The following GALNT6 variants were observed in gnomAD, a reference collection of about 807,000 sequenced individuals.
The protein encoded by GALNT6 is GalNAc transferase 6.
A neutral mutation model predicts 65.9 loss-of-function variants in GALNT6; 51 were observed. That is an observed-to-expected ratio of 0.77 (90% confidence interval 0.62 to 0.98). GALNT6 has a LOEUF of 0.98. GALNT6 is among the 50% of genes least tolerant of loss of function. The pLI, the probability that GALNT6 is intolerant of heterozygous loss-of-function variation, is 0.00. For missense variants in GALNT6, 708 were observed against 803.3 expected, an observed-to-expected ratio of 0.88 and a Z score of 1.43; for synonymous variants, 323 against 315.1, an observed-to-expected ratio of 1.02 and a Z score of -0.26.
At chr12:51,369,038 G>A (rs1947203879) in intron 4 of GALNT6, among the ~76,000 whole-genome samples, 1 of 152,352 alleles carries the variant, frequency 6.6e-6, no homozygotes, top group African/African-American at 2.4e-5. Flanking sequence ...TGACAGGAAG[G>A]AGGGAGGAAG....
chr12:51,383,977 G>A (rs375668788), intron 2 of GALNT6, among the ~76,000 whole-genome samples: 1 of 152,090 alleles, frequency 6.6e-6, no homozygotes, highest in Non-Finnish European at 1.5e-5. Context: ...AAAGCTTCAC[G>A]AGATCCGCCC....
intron 11 of GALNT6, 90 bp downstream of exon 11, chr12:51,355,716 C>G: frequency 1.6e-6 from 2 of 1,267,030 alleles, no homozygotes; most frequent in Non-Finnish European, 2.2e-6. Context: ...ATCTGCCCTC[C>G]TCGGCCTCTC....
chr12:51,359,086 C>T (rs561035208), intron 8 of GALNT6, 46 bp downstream of exon 8: 164 of 1,479,972 alleles, frequency 1.1e-4, no homozygotes, highest in Non-Finnish European at 1.4e-4. Context: ...GTCTGGGGGC[C>T]GTACTTCTCT....
intron 8 of GALNT6, 44 bp downstream of exon 8, chr12:51,359,088 T>C: frequency 6.7e-7 from 1 of 1,499,592 alleles, no homozygotes; most frequent in Non-Finnish European, 9.3e-7. Flanking sequence ...CTGGGGGCCG[T>C]ACTTCTCTTC....
chr12:51,361,125 A>G (rs1592318758), intron 6 of GALNT6, among the ~76,000 whole-genome samples: 1 of 152,248 alleles, frequency 6.6e-6, no homozygotes, highest in African/African-American at 2.4e-5. Context: ...CCCGTGCTAC[A>G]TGATGGACAC....
chr12:51,374,411 T>A (rs919242940), intron 4 of GALNT6, among the ~76,000 whole-genome samples: 6 of 152,162 alleles, frequency 3.9e-5, no homozygotes, highest in Non-Finnish European at 8.8e-5. Context: ...TGCTGCCAAG[T>A]ATCTGTCTTC....
intron 4 of GALNT6, among the ~76,000 whole-genome samples, chr12:51,375,409 C>T (rs1947419467): frequency 6.6e-6 from 1 of 152,190 alleles, no homozygotes; most frequent in African/African-American, 2.4e-5. Context: ...CTCCTGGCTA[C>T]ATACTCCATG....
rs751138720 is a variant in GALNT6, at chr12:51,357,352, G to C, written c.1599C>G (p.Asn533Lys). The part of the protein sequence containing the change: ...IMYSCHGLGG[N>K]QYFEYTTQRD... ...CGGAGATGGGTGGGCTGCATACCTG[G>C]TTGCCGCCAAGGCCGTGGCAGGAGT... Residue 533 changes from asparagine to lysine, a missense_variant, in exon 10 of 12, where the codon AAC (asparagine) becomes AAG (lysine). Coordinates refer to ENST00000356317, the MANE Select transcript of GALNT6 (RefSeq NM_007210.4). The C allele has an allele frequency of 6.2e-7, 1 of 1,604,758 alleles. No homozygotes were observed. The highest frequency in any genetic ancestry group is 8.5e-7 in the Non-Finnish European group (1 of 1,171,480).
chr12:51,390,209 C>T (rs1948008956), intron 2 of GALNT6, among the ~76,000 whole-genome samples: 1 of 137,782 alleles, frequency 7.3e-6, no homozygotes, highest in South Asian at 2.2e-4. Flanking sequence ...ATTGCCCAGG[C>T]TGGAATGCAA....
chr12:51,382,788 G>A lies in GALNT6; in HGVS notation c.-103-2904C>T, dbSNP rs138656043. On this transcript the variant is annotated intron_variant, in intron 2 of 11. Coordinates refer to ENST00000356317, the MANE Select transcript of GALNT6 (RefSeq NM_007210.4). ...GACCCATTCGGAGTCTGACCCAGGA[G>A]AGTTAGTAGCAGTGTGGATGGAAGA... Among the ~76,000 whole-genome samples the A allele has an allele frequency of 2.0e-4, 30 of 152,318 alleles. No individual in the cohort carries two copies. In the East Asian group the frequency reaches 5.2e-3, roughly 26 times the overall value.
chr12:51,364,429 T>C (rs753213050), intron 5 of GALNT6, 74 bp from the exon 6 acceptor site: 12 of 1,019,500 alleles, frequency 1.2e-5, no homozygotes, highest in Non-Finnish European at 1.8e-5. Flanking sequence ...CTGGAGGGAA[T>C]GCCCAGGAGG....
chr12:51,388,793 T>A (rs542507797), intron 2 of GALNT6, among the ~76,000 whole-genome samples: 41 of 152,374 alleles, frequency 2.7e-4, no homozygotes, highest in African/African-American at 8.9e-4. Context: ...CCCTGTCGCA[T>A]CTCTCTGCCT....
intron 8 of GALNT6, 102 bp downstream of exon 8, chr12:51,359,030 G>T: frequency 1.1e-6 from 1 of 886,524 alleles, no homozygotes; most frequent in Non-Finnish European, 1.8e-6. Flanking sequence ...GGAGGCGCCA[G>T]ATGGTAGAGA....
At chr12:51,381,767 G>A (rs1315856852) in intron 2 of GALNT6, among the ~76,000 whole-genome samples, 1 of 152,216 alleles carries the variant, frequency 6.6e-6, no homozygotes, top group African/African-American at 2.4e-5. Context: ...TAAAATGTTT[G>A]GCAGAGCACC....
chr12:51,380,606 C>T (rs1947633360), intron 2 of GALNT6, among the ~76,000 whole-genome samples: 1 of 152,212 alleles, frequency 6.6e-6, no homozygotes, highest in Admixed American at 6.5e-5. Context: ...GCCTGGCCAA[C>T]ATGGTGAAAC....
intron 4 of GALNT6, among the ~76,000 whole-genome samples, chr12:51,372,190 A>C (rs1028803564): frequency 1.3e-5 from 2 of 152,140 alleles, no homozygotes; most frequent in African/African-American, 4.8e-5. Flanking sequence ...TGACTAGCTT[A>C]GGTTTTTCAG....
At chr12:51,390,156 C>CTTTCTTTCT (rs1413158644) in intron 2 of GALNT6, among the ~76,000 whole-genome samples, 1 of 116,306 alleles carries the variant, frequency 8.6e-6, no homozygotes, top group Non-Finnish European at 1.7e-5. Flanking sequence ...TTCTTTCTTT[C>CTTTCTTTCT]TTTTTTTTTT....
intron 2 of GALNT6, chr12:51,382,647 C>G (rs1188259651): frequency 6.6e-6 from 1 of 152,378 alleles, no homozygotes; most frequent in Admixed American, 6.5e-5. Flanking sequence ...AGCATTTGCC[C>G]TTGACCCAAG....
Position 51,352,510 on chromosome 12 carries a change from A to C in GALNT6, c.*1869T>G, listed in dbSNP as rs947751961. 2 of 151,916 alleles carry C rather than the reference A, an allele frequency of 1.3e-5. No homozygotes were observed. The highest frequency in any genetic ancestry group is 2.9e-5 in the Non-Finnish European group (2 of 67,990). 9.4% of individuals were successfully genotyped at this position (151,916 alleles called of 1,614,324 possible). A position where few individuals can be genotyped will look rare whatever the true frequency, so the allele number is the denominator to read the frequency against. ...CATTACCTGTCCCTCTCTCAATTTC[A>C]CTCATGCTACTTTGTTTTTTTAATC... On this transcript the variant is annotated 3_prime_UTR_variant, in exon 12 of 12. Coordinates refer to ENST00000356317, the MANE Select transcript of GALNT6 (RefSeq NM_007210.4).
Sources: allele counts gnomAD v4.1 joint callset (sites outside exome capture counted in the v4.1 genomes callset), GRCh38; gene constraint gnomAD v4.1.1; transcripts MANE v1.5; gene names NCBI Gene and HGNC (gene_info 2026-07-23, HGNC 2026-07-21).